The following ANKRD62 variants were observed in gnomAD, a reference collection of about 807,000 sequenced individuals.
ANKRD62 encodes ankyrin repeat domain 62.
ANKRD62 carries 61 observed loss-of-function variants against 98.8 expected under a neutral mutation model. The observed-to-expected ratio is 0.62, with a 90% CI of 0.50 to 0.76. The LOEUF (loss-of-function observed/expected upper bound fraction) is 0.76. Ranked by LOEUF, ANKRD62 falls within the 30% of genes least tolerant of loss-of-function variation. ANKRD62 has a pLI of 0.00. For synonymous variants in ANKRD62, 341 were observed against 367.9 expected (o/e 0.93, Z 0.84); for missense variants, 933 against 1,082.9 (o/e 0.86, Z 1.94).
intron 13 of ANKRD62, among the ~76,000 whole-genome samples, chr18:12,127,487 G>C (rs1909917335): frequency 6.6e-6 from 1 of 152,218 alleles, no homozygotes; most frequent in Admixed American, 6.5e-5. Context: ...TGAGACCTCA[G>C]AAGGTTTTTA....
chr18:12,145,325 A>C, the ANKRD62 span, among the ~76,000 whole-genome samples: 2 of 152,276 alleles, frequency 1.3e-5, no homozygotes, highest in East Asian at 1.9e-4. Flanking sequence ...GAAAAAATGC[A>C]ATGGCTAAGC....
the ANKRD62 span, among the ~76,000 whole-genome samples, chr18:12,140,730 G>A: frequency 6.6e-6 from 1 of 152,142 alleles, no homozygotes; most frequent in Non-Finnish European, 1.5e-5. Flanking sequence ...AGGAGTACCC[G>A]GCCGTGTGAG....
At chr18:12,153,533 A>C in the ANKRD62 span, among the ~76,000 whole-genome samples, 1 of 151,082 alleles carries the variant, frequency 6.6e-6, no homozygotes, top group Non-Finnish European at 1.5e-5. Context: ...CTGAGGTTTC[A>C]GTGAGCCAGG....
chr18:12,146,583 C>A, the ANKRD62 span, among the ~76,000 whole-genome samples: 11 of 152,286 alleles, frequency 7.2e-5, no homozygotes, highest in East Asian at 1.7e-3. Flanking sequence ...GCAGCTGGGA[C>A]TACAGGCATA....
chr18:12,164,340 A>G, the ANKRD62 span, among the ~76,000 whole-genome samples: 1 of 151,862 alleles, frequency 6.6e-6, no homozygotes, highest in East Asian at 1.9e-4. Flanking sequence ...TATTAGTTGT[A>G]ATGTCTTTTT....
the ANKRD62 span, among the ~76,000 whole-genome samples, chr18:12,175,743 G>A: frequency 6.6e-6 from 1 of 151,934 alleles, no homozygotes; most frequent in Non-Finnish European, 1.5e-5. Context: ...AAAATTAGTG[G>A]AATGGGCAGC....
At chr18:12,135,507 G>T in the ANKRD62 span, among the ~76,000 whole-genome samples, 2 of 151,542 alleles carry the variant, frequency 1.3e-5, no homozygotes, top group Admixed American at 1.3e-4. Flanking sequence ...AAACATACGT[G>T]TGCGTGTGTC....
At chr18:12,149,979 C>A in the ANKRD62 span, among the ~76,000 whole-genome samples, 2 of 151,948 alleles carry the variant, frequency 1.3e-5, no homozygotes, top group Non-Finnish European at 2.9e-5. Flanking sequence ...AGACTATGGG[C>A]AGGAATGAGG....
chr18:12,176,056 G>T, the ANKRD62 span, among the ~76,000 whole-genome samples: 2 of 151,580 alleles, frequency 1.3e-5, no homozygotes, highest in African/African-American at 4.9e-5. Flanking sequence ...GCCGGGCATG[G>T]TGGCGCATGC....
At chr18:12,137,235 T>A in the ANKRD62 span, among the ~76,000 whole-genome samples, 1 of 152,252 alleles carries the variant, frequency 6.6e-6, no homozygotes, top group South Asian at 2.1e-4. Context: ...AATATGTAAT[T>A]TATTGAGAAT....
At chr18:12,107,236 A>T (rs1434844720) in intron 7 of ANKRD62, 59 bp from the exon 8 acceptor site, 2 of 1,244,432 alleles carry the variant, frequency 1.6e-6, no homozygotes, top group Non-Finnish European at 2.1e-6. Flanking sequence ...AACACAAAAA[A>T]GTTCTTTCTA....
At chr18:12,105,868 G>A (rs556124973) in intron 7 of ANKRD62, among the ~76,000 whole-genome samples, 1 of 152,292 alleles carries the variant, frequency 6.6e-6, no homozygotes, top group African/African-American at 2.4e-5. Flanking sequence ...GTAAACTAGG[G>A]TTAGCCTATA....
chr18:12,094,016 G>C lies in ANKRD62; in HGVS notation c.-2G>C. On this transcript the variant is annotated 5_prime_UTR_variant, in exon 1 of 14. Transcript: ENST00000587848. The stretch of plus-strand genomic sequence containing the variant: ...GCCTGGGAGAAGATCTCTGGCTTCA[G>C]GATGGAGGTCAGGGGGTCGTTCCTG... 1.3e-6 allele frequency: 2 copies of C among 1,535,002 alleles called. No individual in the cohort carries two copies. The highest frequency in any genetic ancestry group is 1.7e-6 in the Non-Finnish European group (2 of 1,146,776).
chr18:12,127,677 G>A (rs1292925281), intron 13 of ANKRD62, 71 bp from the exon 14 acceptor site: 5 of 1,204,220 alleles, frequency 4.2e-6, no homozygotes, highest in African/African-American at 3.1e-5. Context: ...GTATATTAGA[G>A]TTAAATATTA....
intron 10 of ANKRD62, among the ~76,000 whole-genome samples, chr18:12,117,323 T>A (rs1176711377): frequency 6.6e-6 from 1 of 152,216 alleles, no homozygotes; most frequent in East Asian, 1.9e-4. Context: ...GTACAATTAA[T>A]GAACACAGCT....
At chr18:12,171,233 C>T in the ANKRD62 span, among the ~76,000 whole-genome samples, 14 of 152,178 alleles carry the variant, frequency 9.2e-5, no homozygotes, top group African/African-American at 2.7e-4. Flanking sequence ...TTCCTAGCAT[C>T]GATGGTCTTT....
intron 10 of ANKRD62, 99 bp downstream of exon 10, chr18:12,115,633 G>C: frequency 9.4e-7 from 1 of 1,067,012 alleles, no homozygotes; most frequent in Non-Finnish European, 1.3e-6. Flanking sequence ...TGTGTTATAG[G>C]GATGTTCATC....
At chr18:12,174,468 T>C in the ANKRD62 span, among the ~76,000 whole-genome samples, 2 of 152,250 alleles carry the variant, frequency 1.3e-5, no homozygotes, top group Non-Finnish European at 2.9e-5. Context: ...GTGATTTTCA[T>C]TTCTATCCAT....
intron 5 of ANKRD62, among the ~76,000 whole-genome samples, chr18:12,099,288 A>G (rs1479794143): frequency 6.6e-6 from 1 of 152,202 alleles, no homozygotes; most frequent in African/African-American, 2.4e-5. Context: ...TAAGGTAGTA[A>G]AACCTTCATT....
Sources: allele counts gnomAD v4.1 joint callset (sites outside exome capture counted in the v4.1 genomes callset), GRCh38; gene constraint gnomAD v4.1.1; transcripts MANE v1.5; gene names NCBI Gene and HGNC (gene_info 2026-07-23, HGNC 2026-07-21).